The following CMTM4 variants were observed in gnomAD, a reference collection of about 807,000 sequenced individuals.
CMTM4 encodes CKLF-like MARVEL transmembrane domain-containing protein 4.
Under a neutral mutation model 19.0 loss-of-function variants are expected in CMTM4, and 8 were observed. That is an observed-to-expected ratio of 0.42 (90% confidence interval 0.25 to 0.76). The LOEUF (loss-of-function observed/expected upper bound fraction) is 0.76. CMTM4 is among the 30% of genes least tolerant of loss of function. The probability of loss-of-function intolerance (pLI) is 0.27; values close to 1 mark genes in which losing one functional copy is unlikely to be tolerated. For missense variants in CMTM4, 228 were observed against 290.2 expected (o/e 0.79, Z 1.56); for synonymous variants, 106 against 121.1 (o/e 0.88, Z 0.82).
intron 1 of CMTM4, among the ~76,000 whole-genome samples, chr16:66,670,019 AAAG>A (rs1255422965): frequency 6.6e-6 from 1 of 152,254 alleles, no homozygotes; most frequent in Non-Finnish European, 1.5e-5. Flanking sequence ...AAAATAATGT[AAAG>A]AAGGAAACAA....
At chr16:66,666,888 CG>C (rs2016604059) in intron 1 of CMTM4, among the ~76,000 whole-genome samples, 1 of 152,074 alleles carries the variant, frequency 6.6e-6, no homozygotes, top group Admixed American at 6.5e-5. Context: ...GACATAAACA[CG>C]GAAACAACAG....
chr16:66,610,261 C>A (rs1252164778), downstream of CMTM4, among the ~76,000 whole-genome samples: 3 of 152,086 alleles, frequency 2.0e-5, no homozygotes, highest in African/African-American at 7.2e-5. The surrounding 1 kb of genome is among the most constrained non-coding windows in gnomAD (Gnocchi z 4.6). Flanking sequence ...GCCGGCAAGT[C>A]TCCCTGGACG....
chr16:66,665,064 C>T (rs889670252), intron 1 of CMTM4, among the ~76,000 whole-genome samples: 2 of 152,038 alleles, frequency 1.3e-5, no homozygotes, highest in Admixed American at 1.3e-4. Flanking sequence ...CCACCTCAGC[C>T]TCCCTAGCAG....
At chr16:66,598,584 C>A in the CMTM4 span, among the ~76,000 whole-genome samples, 1 of 152,066 alleles carries the variant, frequency 6.6e-6, no homozygotes, top group Admixed American at 6.6e-5. Context: ...CCTGCCCCCA[C>A]CGCAGGCAAC....
intron 1 of CMTM4, among the ~76,000 whole-genome samples, chr16:66,676,531 G>A (rs917484702): frequency 1.3e-5 from 2 of 152,084 alleles, no homozygotes; most frequent in African/African-American, 2.4e-5. Context: ...ACTTCTCTAG[G>A]GGTCAGATTC....
intron 2 of CMTM4, among the ~76,000 whole-genome samples, chr16:66,624,815 C>G (rs2015704479): frequency 6.6e-6 from 1 of 152,280 alleles, no homozygotes; most frequent in African/African-American, 2.4e-5. Context: ...GGCATCATAA[C>G]AGTGCTGAGT....
intron 2 of CMTM4, among the ~76,000 whole-genome samples, chr16:66,627,964 T>G (rs1013465235): frequency 6.6e-6 from 1 of 152,116 alleles, no homozygotes; most frequent in African/African-American, 2.4e-5. Flanking sequence ...AGGATGATAA[T>G]AGGGAGAAGG....
intron 1 of CMTM4, among the ~76,000 whole-genome samples, chr16:66,662,462 C>T (rs1449123290): frequency 6.6e-6 from 1 of 152,190 alleles, no homozygotes; most frequent in African/African-American, 2.4e-5. Context: ...TTTCCTAACA[C>T]TCATAGACAT....
At chr16:66,670,380 G>A (rs1187119055) in intron 1 of CMTM4, among the ~76,000 whole-genome samples, 2 of 150,986 alleles carry the variant, frequency 1.3e-5, no homozygotes, top group Non-Finnish European at 2.9e-5. Context: ...CTGGAACCTG[G>A]GAGGCAGAGG....
downstream of CMTM4, among the ~76,000 whole-genome samples, chr16:66,614,482 C>G (rs1596893273): frequency 6.6e-6 from 1 of 152,192 alleles, no homozygotes; most frequent in South Asian, 2.1e-4. The surrounding 1 kb of genome is among the most constrained non-coding windows in gnomAD (Gnocchi z 4.9). Context: ...TGGGAAAAGA[C>G]AAGACATTCC....
intron 2 of CMTM4, among the ~76,000 whole-genome samples, chr16:66,627,110 T>A (rs993288455): frequency 1.4e-4 from 21 of 151,818 alleles, no homozygotes; most frequent in African/African-American, 4.4e-4. Context: ...CTCAAAAAAA[T>A]AAATAAATAA....
intron 1 of CMTM4, among the ~76,000 whole-genome samples, chr16:66,644,774 G>A (rs1455796039): frequency 6.6e-6 from 1 of 152,208 alleles, no homozygotes; most frequent in Non-Finnish European, 1.5e-5. Context: ...CCAGACCCAG[G>A]GCGGGGGAGG....
intron 2 of CMTM4, among the ~76,000 whole-genome samples, chr16:66,626,153 G>A (rs1364195638): frequency 6.6e-6 from 1 of 152,218 alleles, no homozygotes; most frequent in Non-Finnish European, 1.5e-5. Flanking sequence ...GAAAAAGGGA[G>A]GCCAGGCACA....
chr16:66,661,156 A>G (rs532496532), intron 1 of CMTM4, among the ~76,000 whole-genome samples: 1 of 152,318 alleles, frequency 6.6e-6, no homozygotes, highest in South Asian at 2.1e-4. Flanking sequence ...TTGGGAGAAA[A>G]CATACAAAGC....
chr16:66,686,591 G>T (rs1273098408), intron 1 of CMTM4, among the ~76,000 whole-genome samples: 3 of 146,848 alleles, frequency 2.0e-5, no homozygotes, highest in African/African-American at 2.5e-5. Context: ...TGTGGAGAAA[G>T]AATTAATTTA....
In CMTM4 at chr16:66,617,162, G is replaced by T; in HGVS notation, c.*4896C>A. ...TCCCAAAGAAAACACGCCACCCCAG[G>T]TGTCTAGATAGCAAGTCACCTGAAT... On this transcript the variant is annotated 3_prime_UTR_variant, in exon 4 of 4. Coordinates refer to ENST00000394106, the MANE Select transcript of CMTM4 (RefSeq NM_181521.3). The T allele has an allele frequency of 9.7e-7, 1 of 1,027,928 alleles. No homozygotes were observed. Among genetic ancestry groups the T allele is most frequent in the Non-Finnish European group, 1.4e-6 (1 of 699,022 alleles). 63.7% of individuals were successfully genotyped at this position (1,027,928 alleles called of 1,614,324 possible).
chr16:66,617,468 C>T lies in CMTM4; in HGVS notation c.*4590G>A. The T allele has an allele frequency of 6.8e-7, 1 of 1,470,720 alleles. No homozygotes were observed. Among genetic ancestry groups the T allele is most frequent in the Non-Finnish European group, 9.0e-7 (1 of 1,114,848 alleles). 91.1% of individuals were successfully genotyped at this position (1,470,720 alleles called of 1,614,324 possible). Reference sequence around the variant, plus strand: ...ACAATAGGACCCACTCCGCTTCAAGCTAAAGAGTGTACAAAATGCCACTCA... The same window carrying T: ...ACAATAGGACCCACTCCGCTTCAAGTTAAAGAGTGTACAAAATGCCACTCA... On this transcript the variant is annotated 3_prime_UTR_variant, in exon 4 of 4. Transcript: ENST00000394106.
intron 1 of CMTM4, among the ~76,000 whole-genome samples, chr16:66,662,840 A>G (rs2016522588): frequency 6.6e-6 from 1 of 152,190 alleles, no homozygotes; most frequent in Non-Finnish European, 1.5e-5. Flanking sequence ...AAAGTTCTAT[A>G]AACTCCTGTT....
Position 66,622,277 on chromosome 16 carries a change from C to A in CMTM4, c.463-55G>T. The stretch of plus-strand genomic sequence containing the variant: ...GGGCACGTGGCCTGGCCCCTCAAGG[C>A]TTCTGTGGTGACCCAAGCCACATGC... On this transcript the variant is annotated intron_variant, in intron 3 of 3. Coordinates refer to ENST00000394106, the MANE Select transcript of CMTM4 (RefSeq NM_181521.3). This position sits in a 1 kb window ranked among gnomAD's most constrained non-coding sequence, Gnocchi z 4.0. 1 of 1,585,842 alleles carries A rather than the reference C, an allele frequency of 6.3e-7. No individual in the cohort carries two copies. The highest frequency in any genetic ancestry group is 1.1e-5 in the South Asian group (1 of 87,000).
Sources: allele counts gnomAD v4.1 joint callset (sites outside exome capture counted in the v4.1 genomes callset), GRCh38; gene constraint gnomAD v4.1.1; non-coding constraint Gnocchi (gnomAD v3.1); transcripts MANE v1.5; gene names NCBI Gene and HGNC (gene_info 2026-07-23, HGNC 2026-07-21).